KDM7A: variants seen among roughly 807,000 people sequenced by gnomAD.
The protein encoded by KDM7A is lysine demethylase 7A, also known as lysine-specific demethylase 7A.
Under a neutral mutation model 114.8 loss-of-function variants are expected in KDM7A, and 28 were observed. That is an observed-to-expected ratio of 0.24 (90% confidence interval 0.18 to 0.33). KDM7A has a LOEUF of 0.33. Ranked by LOEUF, KDM7A falls within the 10% of genes least tolerant of loss-of-function variation. The probability of loss-of-function intolerance (pLI) is 1.00; values close to 1 mark genes in which losing one functional copy is unlikely to be tolerated. For synonymous variants in KDM7A, 423 were observed against 397.8 expected, an observed-to-expected ratio of 1.06 and a Z score of -0.75; for missense variants, 942 against 1,142.5, an observed-to-expected ratio of 0.82 and a Z score of 2.53.
chr7:140,143,397 T>A (rs1315567238), intron 1 of KDM7A, among the ~76,000 whole-genome samples: 1 of 152,122 alleles, frequency 6.6e-6, no homozygotes, highest in East Asian at 1.9e-4. Context: ...AGACAATTAT[T>A]ACATGGGTGT....
intron 9 of KDM7A, among the ~76,000 whole-genome samples, chr7:140,114,379 G>T (rs866368276): frequency 6.7e-4 from 101 of 151,638 alleles, no homozygotes; most frequent in African/African-American, 2.1e-3. Flanking sequence ...TGTGTTGGCC[G>T]GGCTGGTCTC....
At chr7:140,097,298 A>C (rs1818130824) in intron 15 of KDM7A, among the ~76,000 whole-genome samples, 1 of 152,244 alleles carries the variant, frequency 6.6e-6, no homozygotes, top group Non-Finnish European at 1.5e-5. Context: ...ATATGAAACA[A>C]GAATAGTATA....
intron 18 of KDM7A, among the ~76,000 whole-genome samples, chr7:140,092,881 G>T (rs964005103): frequency 3.9e-5 from 6 of 152,138 alleles, no homozygotes; most frequent in Non-Finnish European, 7.3e-5. Flanking sequence ...ACCAGCTACA[G>T]TGAGGCACTA....
intron 9 of KDM7A, among the ~76,000 whole-genome samples, chr7:140,113,822 T>C (rs1392939325): frequency 1.3e-5 from 2 of 152,198 alleles, no homozygotes; most frequent in Non-Finnish European, 2.9e-5. Flanking sequence ...ATTTAATTTT[T>C]TTGTGTAGAG....
intron 1 of KDM7A, among the ~76,000 whole-genome samples, chr7:140,173,272 A>G (rs1406564152): frequency 1.3e-5 from 2 of 151,994 alleles, no homozygotes; most frequent in African/African-American, 2.4e-5. Flanking sequence ...TCAATTATAC[A>G]CTGTACCCTG....
intron 11 of KDM7A, among the ~76,000 whole-genome samples, chr7:140,109,161 C>T (rs1417615752): frequency 6.6e-6 from 1 of 152,166 alleles, no homozygotes; most frequent in African/African-American, 2.4e-5. Context: ...TTCCAGGTAC[C>T]GTCTGTCACG....
chr7:140,097,078 A>C, intron 15 of KDM7A, 31 bp from the exon 16 acceptor site: 1 of 1,574,676 alleles, frequency 6.4e-7, no homozygotes, highest in South Asian at 1.1e-5. Context: ...AAACAAAGCT[A>C]CATAAGAAAT....
intron 19 of KDM7A, among the ~76,000 whole-genome samples, chr7:140,091,577 G>C (rs1300698917): frequency 6.6e-6 from 1 of 152,044 alleles, no homozygotes; most frequent in East Asian, 1.9e-4. Flanking sequence ...ATTCAGCCTG[G>C]CTAACCCCTG....
At chr7:140,164,678 TTAATTA>T (rs1357840449) in intron 1 of KDM7A, among the ~76,000 whole-genome samples, 1 of 152,238 alleles carries the variant, frequency 6.6e-6, no homozygotes, top group Non-Finnish European at 1.5e-5. Flanking sequence ...TTAACTATTT[TTAATTA>T]TAATAAAGGT....
chr7:140,138,909 C>T (rs528322946), intron 2 of KDM7A, among the ~76,000 whole-genome samples, 196 bp downstream of exon 2: 1 of 152,326 alleles, frequency 6.6e-6, no homozygotes, highest in Non-Finnish European at 1.5e-5. Flanking sequence ...ACTGACAGTA[C>T]ATTTCCCCCC....
chr7:140,146,043 T>C (rs1457195519), intron 1 of KDM7A, among the ~76,000 whole-genome samples: 1 of 152,194 alleles, frequency 6.6e-6, no homozygotes, highest in Non-Finnish European at 1.5e-5. Context: ...ATAATCTGTT[T>C]TATGAAATGT....
At chr7:140,105,988 G>A (rs1407408555) in intron 11 of KDM7A, among the ~76,000 whole-genome samples, 1 of 151,906 alleles carries the variant, frequency 6.6e-6, no homozygotes, top group Non-Finnish European at 1.5e-5. Context: ...GTATATTCAG[G>A]GATTCAACTT....
intron 1 of KDM7A, among the ~76,000 whole-genome samples, chr7:140,175,071 T>C (rs932213056): frequency 1.3e-5 from 2 of 152,236 alleles, no homozygotes; most frequent in Non-Finnish European, 2.9e-5. Flanking sequence ...GAATATGTTA[T>C]GGAAACAGGA....
At chr7:140,128,129 T>C (rs1445905607) in intron 4 of KDM7A, among the ~76,000 whole-genome samples, 4 of 152,126 alleles carry the variant, frequency 2.6e-5, no homozygotes, top group African/African-American at 9.7e-5. Flanking sequence ...AAGAAAAAAT[T>C]AGTGATTGGG....
intron 3 of KDM7A, among the ~76,000 whole-genome samples, chr7:140,131,682 A>C (rs538994465): frequency 9.2e-5 from 14 of 152,354 alleles, no homozygotes; most frequent in African/African-American, 3.4e-4. Flanking sequence ...TGAGGATTAA[A>C]TAATTCCTTC....
intron 1 of KDM7A, among the ~76,000 whole-genome samples, chr7:140,141,756 T>C (rs1562956557): frequency 6.6e-6 from 1 of 151,606 alleles, no homozygotes; most frequent in South Asian, 2.1e-4. Context: ...TAGCCAGGCA[T>C]GTTGGCGCAT....
At position 140,096,610 on chromosome 7, in the gene KDM7A, A is replaced by G. The variant is rs1818114338; in HGVS notation, c.2319T>C (p.His773=). ...RNSLQDPSSC[H]GSNHEVRQLY... is the part of the protein sequence containing the mutation. ...ACTGCCTAACCTCATGGTTACTGCCATGGCAGCTGCTGGGATCCTGGAGAG... is the reference window on the plus strand; with the variant it reads ...ACTGCCTAACCTCATGGTTACTGCCGTGGCAGCTGCTGGGATCCTGGAGAG... The change falls in exon 17 of 20, where the codon CAT becomes CAC. Residue 773 remains histidine, a synonymous_variant. Transcript: ENST00000397560. 1 of 1,614,098 alleles carries G rather than the reference A, an allele frequency of 6.2e-7. No homozygotes were observed. Among genetic ancestry groups the G allele is most frequent in the Admixed American group, 1.7e-5 (1 of 60,006 alleles).
intron 1 of KDM7A, among the ~76,000 whole-genome samples, chr7:140,157,389 C>T (rs1794468981): frequency 6.6e-6 from 1 of 152,206 alleles, no homozygotes; most frequent in African/African-American, 2.4e-5. Flanking sequence ...GCACAGTGGC[C>T]CATGCCTGTA....
intron 1 of KDM7A, among the ~76,000 whole-genome samples, chr7:140,163,623 GT>G (rs369320832): frequency 3.3e-5 from 5 of 151,736 alleles, no homozygotes; most frequent in South Asian, 2.1e-4. Flanking sequence ...TTTTCTGTTT[GT>G]TTTTTTAATG....
Sources: allele counts gnomAD v4.1 joint callset (sites outside exome capture counted in the v4.1 genomes callset), GRCh38; gene constraint gnomAD v4.1.1; transcripts MANE v1.5; gene names NCBI Gene and HGNC (gene_info 2026-07-23, HGNC 2026-07-21).